The following CCNJL variants were observed in gnomAD, a reference collection of about 807,000 sequenced individuals.
The protein encoded by CCNJL is cyclin-J-like protein.
In CCNJL, 33 loss-of-function variants were observed where a neutral mutation model predicts 33.4. The ratio of observed to expected loss-of-function variants is 0.99; its 90% CI spans 0.75 to 1.32. CCNJL has a LOEUF of 1.32. Among genes scored for constraint, CCNJL ranks in the 40% most tolerant of loss-of-function variants. The probability of loss-of-function intolerance (pLI) is 0.00; values close to 1 mark genes in which losing one functional copy is unlikely to be tolerated. For missense variants in CCNJL, 512 were observed against 499.7 expected, an observed-to-expected ratio of 1.02 and a Z score of -0.23; for synonymous variants, 227 against 220.9, an observed-to-expected ratio of 1.03 and a Z score of -0.24.
At chr5:160,299,711 G>GT in intron 2 of CCNJL, among the ~76,000 whole-genome samples, 1 of 151,928 alleles carries the variant, frequency 6.6e-6, no homozygotes, top group African/African-American at 2.4e-5. Flanking sequence ...TGGGTGGTGG[G>GT]TATGTGAGGA....
intron 1 of CCNJL, among the ~76,000 whole-genome samples, chr5:160,330,447 C>T (rs1392367661): frequency 6.6e-6 from 1 of 152,166 alleles, no homozygotes; most frequent in African/African-American, 2.4e-5. Flanking sequence ...TTCCTGCCGC[C>T]TCCGCACCAT....
At chr5:160,285,374 C>T (rs564796822) in intron 2 of CCNJL, among the ~76,000 whole-genome samples, 1 of 152,196 alleles carries the variant, frequency 6.6e-6, no homozygotes, top group Non-Finnish European at 1.5e-5. Flanking sequence ...TACTTCAGCA[C>T]CCCAGTGTGA....
rs137987044 is a variant in CCNJL, at chr5:160,285,809, G to A, written c.67-5071C>T. Among the ~76,000 whole-genome samples the A allele has an allele frequency of 2.0e-5, 3 of 152,354 alleles. No individual in the cohort carries two copies. The East Asian group carries it at 5.8e-4, about 29-fold the overall frequency. ...CCCTACTCTGAGGGCAATAGAAACT[G>A]AAGGGATTAGAGCAGATCATTGGCC... On this transcript the variant is annotated intron_variant, in intron 2 of 5. Coordinates refer to ENST00000257536, the MANE Select transcript of CCNJL (RefSeq NM_001308173.3).
intron 5 of CCNJL, chr5:160,254,423 G>A (rs535450700): frequency 7.2e-5 from 40 of 559,000 alleles, no homozygotes; most frequent in African/African-American, 6.2e-4. Flanking sequence ...TGTAAGGCAT[G>A]CACCGACACT....
Position 160,311,953 on chromosome 5 carries a change from C to G in CCNJL, c.-30G>C. On this transcript the variant is annotated 5_prime_UTR_variant, in exon 2 of 6. Coordinates refer to ENST00000257536, the MANE Select transcript of CCNJL (RefSeq NM_001308173.3). The stretch of plus-strand genomic sequence containing the variant: ...TACGCAGCGCCGCTATCCGAGGCTA[C>G]CCGGCTCTCAGGGCGCACCCTGCGT... 2 of 1,611,746 alleles carry G rather than the reference C, an allele frequency of 1.2e-6. No homozygotes were observed. Among genetic ancestry groups the G allele is most frequent in the Non-Finnish European group, 1.7e-6 (2 of 1,178,028 alleles).
upstream of CCNJL, among the ~76,000 whole-genome samples, chr5:160,313,399 T>G (rs764573365): frequency 2.0e-5 from 3 of 152,168 alleles, no homozygotes; most frequent in African/African-American, 7.2e-5. Flanking sequence ...GAAATAAAAG[T>G]TAAACCAACC....
At chr5:160,308,686 A>T (rs944888734) in intron 2 of CCNJL, among the ~76,000 whole-genome samples, 2 of 152,244 alleles carry the variant, frequency 1.3e-5, no homozygotes, top group Non-Finnish European at 2.9e-5. Flanking sequence ...TGAACCCGGG[A>T]GGCGGAGGTT....
At chr5:160,304,377 C>T (rs75964039) in intron 2 of CCNJL, among the ~76,000 whole-genome samples, 3,134 of 152,296 alleles carry the variant, frequency 0.021, 46 homozygotes, top group Middle Eastern at 0.054. Context: ...GTCCATCTTC[C>T]ATCCTCTGTA....
intron 2 of CCNJL, among the ~76,000 whole-genome samples, chr5:160,300,520 C>T (rs80143364): frequency 0.028 from 4,313 of 152,274 alleles, 90 homozygotes; most frequent in South Asian, 0.057. Flanking sequence ...TTTCTTAAAA[C>T]ATTATGAGAT....
chr5:160,293,268 A>T (rs1762644115), intron 2 of CCNJL, among the ~76,000 whole-genome samples: 1 of 152,212 alleles, frequency 6.6e-6, no homozygotes, highest in African/African-American at 2.4e-5. Context: ...CAAATACAAA[A>T]GGATTAGCTG....
chr5:160,284,432 A>C (rs1465481708), intron 2 of CCNJL, among the ~76,000 whole-genome samples: 1 of 150,322 alleles, frequency 6.7e-6, no homozygotes, highest in Non-Finnish European at 1.5e-5. Context: ...TAAAAAAACA[A>C]GACAGACGTT....
chr5:160,302,912 A>G (rs1392242711), intron 2 of CCNJL, among the ~76,000 whole-genome samples: 6 of 152,188 alleles, frequency 3.9e-5, no homozygotes, highest in Non-Finnish European at 8.8e-5. Flanking sequence ...AAGCATACGT[A>G]ATTTATGCTT....
intron 2 of CCNJL, among the ~76,000 whole-genome samples, chr5:160,304,422 G>C (rs778877111): frequency 1.3e-5 from 2 of 152,144 alleles, no homozygotes; most frequent in Non-Finnish European, 2.9e-5. Flanking sequence ...CACCTCTGCA[G>C]GTTAGACTGC....
At chr5:160,273,210 G>A (rs1761899368) in intron 3 of CCNJL, among the ~76,000 whole-genome samples, 1 of 152,204 alleles carries the variant, frequency 6.6e-6, no homozygotes, top group South Asian at 2.1e-4. Flanking sequence ...TTAGGTTCCT[G>A]CAAGGCTCTG....
At chr5:160,305,807 T>C (rs1391849761) in intron 2 of CCNJL, among the ~76,000 whole-genome samples, 1 of 151,994 alleles carries the variant, frequency 6.6e-6, no homozygotes, top group Non-Finnish European at 1.5e-5. Flanking sequence ...AAGTGAGGAG[T>C]AAATAAGATA....
chr5:160,336,035 CTTCTTT>C (rs1763680910), intron 1 of CCNJL, among the ~76,000 whole-genome samples: 1 of 152,180 alleles, frequency 6.6e-6, no homozygotes, highest in Non-Finnish European at 1.5e-5. Context: ...AGACTCTCCC[CTTCTTT>C]ATTTGAATTC....
intron 2 of CCNJL, among the ~76,000 whole-genome samples, chr5:160,286,599 C>T (rs1762414202): frequency 6.6e-6 from 1 of 152,048 alleles, no homozygotes; most frequent in Admixed American, 6.5e-5. Flanking sequence ...TATTGTACCA[C>T]TGCACTCCAG....
chr5:160,258,367 T>C (rs1580945285), intron 4 of CCNJL: 1 of 774,064 alleles, frequency 1.3e-6, no homozygotes, highest in Non-Finnish European at 2.3e-6. Context: ...TGATACAATA[T>C]ATGAGAATGA....
At chr5:160,328,421 C>T (rs892624861) in intron 1 of CCNJL, among the ~76,000 whole-genome samples, 2 of 151,988 alleles carry the variant, frequency 1.3e-5, no homozygotes, top group Admixed American at 6.6e-5. Flanking sequence ...GTTGGAATAA[C>T]GCGGATGAAG....
Sources: allele counts gnomAD v4.1 joint callset (sites outside exome capture counted in the v4.1 genomes callset), GRCh38; gene constraint gnomAD v4.1.1; transcripts MANE v1.5; gene names NCBI Gene and HGNC (gene_info 2026-07-23, HGNC 2026-07-21).